ANKS1A: variants seen among roughly 807,000 people sequenced by gnomAD.
The protein encoded by ANKS1A is ankyrin repeat and sterile alpha motif domain containing 1A, also known as ankyrin repeat and SAM domain-containing protein 1A.
ANKS1A carries 55 observed loss-of-function variants against 120.3 expected under a neutral mutation model. That is an observed-to-expected ratio of 0.46 (90% CI 0.37 to 0.57). The LOEUF is 0.57. Ranked by LOEUF, ANKS1A falls within the 20% of genes least tolerant of loss-of-function variation. ANKS1A has a pLI of 0.00. For missense variants in ANKS1A, 1,123 were observed against 1,480.3 expected, an observed-to-expected ratio of 0.76 and a Z score of 3.96; for synonymous variants, 590 against 604.7, an observed-to-expected ratio of 0.98 and a Z score of 0.36.
At chr6:35,004,057 C>T (rs941061866) in intron 10 of ANKS1A, among the ~76,000 whole-genome samples, 3 of 152,220 alleles carry the variant, frequency 2.0e-5, no homozygotes, top group African/African-American at 4.8e-5. Context: ...TAAAACTTCC[C>T]GGTCTGTTCT....
chr6:35,068,327 C>G (rs913381737), intron 13 of ANKS1A, among the ~76,000 whole-genome samples: 1 of 152,182 alleles, frequency 6.6e-6, no homozygotes, highest in Non-Finnish European at 1.5e-5. Flanking sequence ...CACAGTGTCA[C>G]GGTGAACCAG....
chr6:35,060,813 T>C lies in ANKS1A; in HGVS notation c.2184+560T>C, dbSNP rs1776457985. 6.6e-6 allele frequency among the ~76,000 whole-genome samples: 1 copy of C among 152,144 alleles called. No homozygotes were observed. Among genetic ancestry groups the C allele is most frequent in the African/African-American group, 2.4e-5 (1 of 41,522 alleles). ...CTCACAAAACACAAAGGGCCAAAAATAAAAAGAGAAACCAGGGTGTTTCCT... is the reference window on the plus strand; with the variant it reads ...CTCACAAAACACAAAGGGCCAAAAACAAAAAGAGAAACCAGGGTGTTTCCT... On this transcript the variant is annotated intron_variant, in intron 13 of 23. Coordinates refer to ENST00000360359, the MANE Select transcript of ANKS1A (RefSeq NM_015245.3). This position sits in a 1 kb window ranked among gnomAD's most constrained non-coding sequence, Gnocchi z 4.5.
chr6:35,089,849 TCCTG>T lies in ANKS1A; in HGVS notation c.*1241_*1244del. The T allele has an allele frequency of 1.9e-6, 2 of 1,066,668 alleles. No homozygotes were observed. The highest frequency in any genetic ancestry group is 2.3e-6 in the Non-Finnish European group (2 of 878,662). The allele number at this position is 1,066,668 out of a possible 1,614,324, so 66.1% of individuals were successfully genotyped here. A position where few individuals can be genotyped will look rare whatever the true frequency, so the allele number is the denominator to read the frequency against. On this transcript the variant is annotated 3_prime_UTR_variant, in exon 24 of 24. Transcript: ENST00000360359. ...TTGGCTCAGCTGTGTGCCCAGTTCC[TCCTG>T]TGGGCACTTTAGCAGGCTCCGAGCT...
chr6:34,902,662 A>T (rs180897607), intron 1 of ANKS1A, among the ~76,000 whole-genome samples: 3 of 149,824 alleles, frequency 2.0e-5, no homozygotes. Flanking sequence ...GTCTTTTTCC[A>T]GGCCAGGTGC....
At chr6:34,910,558 T>A (rs745670007) in intron 1 of ANKS1A, among the ~76,000 whole-genome samples, 4 of 150,610 alleles carry the variant, frequency 2.7e-5, no homozygotes, top group African/African-American at 4.9e-5. Context: ...AGCCAGACTC[T>A]GCCTCATAAA....
At position 35,043,055 on chromosome 6, in the gene ANKS1A, C is replaced by T. The variant is rs551875363; in HGVS notation, c.2011-11044C>T. The stretch of plus-strand genomic sequence containing the variant: ...GGAGGATTCCCCCTGCTTTTGCCTT[C>T]GTGCCTTACAGTCTGTCAGGGTAGG... On this transcript the variant is annotated intron_variant, in intron 11 of 23. Coordinates refer to ENST00000360359, the MANE Select transcript of ANKS1A (RefSeq NM_015245.3). Among the ~76,000 whole-genome samples the T allele has an allele frequency of 4.0e-5, 6 of 149,550 alleles. 1 individual carries two copies. In the South Asian group the frequency reaches 8.3e-4, roughly 21 times the overall value.
At chr6:35,074,095 G>A (rs1187610875) in intron 13 of ANKS1A, among the ~76,000 whole-genome samples, 1 of 152,258 alleles carries the variant, frequency 6.6e-6, no homozygotes, top group East Asian at 1.9e-4. Flanking sequence ...GTTAGCAAAG[G>A]GCCTGTCTCC....
chr6:35,080,077 G>A (rs1339205626), intron 16 of ANKS1A, 149 bp downstream of exon 16: 1 of 908,492 alleles, frequency 1.1e-6, no homozygotes, highest in Admixed American at 2.7e-5. Context: ...AGGAGGTTTA[G>A]AGAAGTTCCC....
chr6:34,967,281 C>G lies in ANKS1A; in HGVS notation c.240C>G (p.Gly80=). Reference sequence around the variant, plus strand: ...ATGTGAACTGTGTTGACAGCACTGGCTACACACCCCTGCACCATGCTGCTT... The same window carrying G: ...ATGTGAACTGTGTTGACAGCACTGGGTACACACCCCTGCACCATGCTGCTT... ...GPNVNCVDST[G]YTPLHHAALN... is the part of the protein sequence containing the mutation. Residue 80 remains glycine, a synonymous_variant, in exon 2 of 24, where the codon GGC becomes GGG. Coordinates refer to ENST00000360359, the MANE Select transcript of ANKS1A (RefSeq NM_015245.3). The G allele has an allele frequency of 6.2e-7, 1 of 1,613,820 alleles. No individual in the cohort carries two copies. The highest frequency in any genetic ancestry group is 8.5e-7 in the Non-Finnish European group (1 of 1,179,972).
At chr6:35,056,966 A>G (rs1776254708) in intron 12 of ANKS1A, among the ~76,000 whole-genome samples, 1 of 151,974 alleles carries the variant, frequency 6.6e-6, no homozygotes, top group Non-Finnish European at 1.5e-5. Flanking sequence ...TTGACTGGTC[A>G]GTATCAGGGT....
At chr6:35,092,784 C>G (rs562106295), downstream of ANKS1A, among the ~76,000 whole-genome samples, 34 of 152,342 alleles carry the variant, frequency 2.2e-4, no homozygotes, top group African/African-American at 7.9e-4. Flanking sequence ...CCTTTCTCCC[C>G]CTTCAGGGGC....
chr6:34,988,674 A>G (rs1199120204), intron 8 of ANKS1A, among the ~76,000 whole-genome samples: 1 of 152,234 alleles, frequency 6.6e-6, no homozygotes, highest in Non-Finnish European at 1.5e-5. Context: ...GCAACCAAGG[A>G]TAAGAGAACA....
chr6:35,005,406 G>A lies in ANKS1A; in HGVS notation c.1423+10984G>A, dbSNP rs201987567. On this transcript the variant is annotated intron_variant, in intron 10 of 23. Coordinates refer to ENST00000360359, the MANE Select transcript of ANKS1A (RefSeq NM_015245.3). ...TCTATTTTTCTACATAGAAATTAGT[G>A]GTAGTGGAAACACTTTGTGTAAATA... Among the ~76,000 whole-genome samples, 8 of 152,284 alleles carry A rather than the reference G, an allele frequency of 5.3e-5. No homozygotes were observed. The East Asian group carries it at 1.3e-3, about 26-fold the overall frequency.
intron 1 of ANKS1A, among the ~76,000 whole-genome samples, chr6:34,914,213 A>ACG (rs1768047779): frequency 6.6e-6 from 1 of 152,154 alleles, no homozygotes; most frequent in African/African-American, 2.4e-5. Context: ...GAGCCACCTT[A>ACG]CCCAGCCAAT....
intron 10 of ANKS1A, among the ~76,000 whole-genome samples, chr6:35,005,302 G>A (rs368047293): frequency 2.5e-4 from 38 of 152,090 alleles, no homozygotes; most frequent in Non-Finnish European, 3.2e-4. Context: ...AGCAAAAAAC[G>A]TGCTATTTGT....
At chr6:35,081,728 C>T (rs908845756) in intron 17 of ANKS1A, among the ~76,000 whole-genome samples, 1 of 152,246 alleles carries the variant, frequency 6.6e-6, no homozygotes, top group African/African-American at 2.4e-5. Context: ...CCGCTCCAGC[C>T]CTGGCGGAGG....
intron 13 of ANKS1A, among the ~76,000 whole-genome samples, chr6:35,069,858 T>C (rs1190825985): frequency 6.6e-6 from 1 of 151,874 alleles, no homozygotes. Flanking sequence ...CGAAACCCAG[T>C]CTCTGCTAAA....
chr6:34,918,596 A>T (rs191988946), intron 1 of ANKS1A, among the ~76,000 whole-genome samples: 31 of 152,304 alleles, frequency 2.0e-4, no homozygotes, highest in African/African-American at 6.7e-4. Context: ...AGGCAGCAGA[A>T]GGTATCTCAG....
At chr6:35,078,459 G>A in intron 13 of ANKS1A, 99 bp from the exon 14 acceptor site, 1 of 1,048,926 alleles carries the variant, frequency 9.5e-7, no homozygotes, top group Non-Finnish European at 1.4e-6. Flanking sequence ...TGCAGTGAAG[G>A]AGAATTTGGT....
Sources: gnomAD v4.1 joint callset for allele counts (sites outside exome capture counted in the v4.1 genomes callset) on GRCh38, gnomAD v4.1.1 for gene constraint, Gnocchi (gnomAD v3.1) non-coding constraint, MANE v1.5 for transcripts, NCBI Gene and HGNC (gene_info 2026-07-23, HGNC 2026-07-21) for gene names.